Variants in NINL observed in about 807,000 individuals in gnomAD.
NINL encodes the protein ninein like, also known as ninein-like protein.
NINL carries 153 observed loss-of-function variants against 160.3 expected under a neutral mutation model. The observed-to-expected ratio is 0.95, with a 90% CI of 0.84 to 1.09. The LOEUF (loss-of-function observed/expected upper bound fraction) is 1.09. Among genes scored for constraint, NINL ranks in the 50% least tolerant of loss-of-function variants. The probability of loss-of-function intolerance (pLI) is 0.00; values close to 1 mark genes in which losing one functional copy is unlikely to be tolerated. For missense variants in NINL, 1,829 were observed against 1,764.0 expected (o/e 1.04, Z -0.66); for synonymous variants, 800 against 734.8 (o/e 1.09, Z -1.43).
intron 1 of NINL, among the ~76,000 whole-genome samples, chr20:25,557,491 A>G (rs1281771762): frequency 6.6e-6 from 1 of 152,132 alleles, no homozygotes; most frequent in Non-Finnish European, 1.5e-5. Flanking sequence ...AGATCACACC[A>G]CTGCACTCCA....
chr20:25,480,283 C>T lies in NINL; in HGVS notation c.1811-16G>A. On this transcript the variant is annotated splice_polypyrimidine_tract_variant and intron_variant, in intron 14 of 23. Coordinates refer to ENST00000278886, the MANE Select transcript of NINL (RefSeq NM_025176.6). ...AATGAAATGCCTGCAAACAAGAGGC[C>T]ACTTCCGTTTGTCACACTGAGGATG... 6.2e-7 allele frequency: 1 copy of T among 1,606,366 alleles called. No homozygotes were observed. Among genetic ancestry groups the T allele is most frequent in the Non-Finnish European group, 8.5e-7 (1 of 1,173,174 alleles).
intron 1 of NINL, among the ~76,000 whole-genome samples, chr20:25,567,680 G>A (rs1012574009): frequency 1.3e-5 from 2 of 151,946 alleles, no homozygotes; most frequent in African/African-American, 4.8e-5. Context: ...TATATTTTGG[G>A]CCATAAAACA....
intron 1 of NINL, among the ~76,000 whole-genome samples, chr20:25,535,176 A>G (rs1884507237): frequency 1.3e-5 from 2 of 152,304 alleles, no homozygotes; most frequent in Admixed American, 6.5e-5. Flanking sequence ...TAGAGAGACA[A>G]ACGCCACAGA....
At chr20:25,531,083 A>G (rs1311209137) in intron 1 of NINL, among the ~76,000 whole-genome samples, 4 of 152,194 alleles carry the variant, frequency 2.6e-5, no homozygotes, top group African/African-American at 7.2e-5. Flanking sequence ...ACCCTCAGGG[A>G]CGCATTCTCT....
chr20:25,500,130 G>A (rs1030503339), intron 8 of NINL, among the ~76,000 whole-genome samples: 1 of 152,134 alleles, frequency 6.6e-6, no homozygotes, highest in Non-Finnish European at 1.5e-5. Context: ...TGAGTTCACT[G>A]CACCTCGTGA....
At chr20:25,546,767 C>G (rs2064738163) in intron 1 of NINL, among the ~76,000 whole-genome samples, 1 of 151,584 alleles carries the variant, frequency 6.6e-6, no homozygotes, top group African/African-American at 2.4e-5. Flanking sequence ...GATACAAACC[C>G]CACCGAGAGA....
chr20:25,544,574 C>T (rs1180853678), intron 1 of NINL, among the ~76,000 whole-genome samples: 1 of 152,138 alleles, frequency 6.6e-6, no homozygotes, highest in Non-Finnish European at 1.5e-5. Context: ...TGTTCAGTCC[C>T]AGGGGCCAAG....
chr20:25,504,036 C>T lies in NINL; in HGVS notation c.777G>A (p.Gln259=). The part of the protein sequence containing the change: ...GDGKVSLEEF[Q]LGLFSHEPAL... ...CGGGCTCATGACTGAAGAGGCCAAG[C>T]TGGAATTCCTCAAGACTCACTTTGC... Residue 259 remains glutamine, a synonymous_variant, in exon 7 of 24, where the codon CAG becomes CAA. Coordinates refer to ENST00000278886, the MANE Select transcript of NINL (RefSeq NM_025176.6). 9 of 1,611,960 alleles carry T rather than the reference C, an allele frequency of 5.6e-6. No homozygotes were observed. The highest frequency in any genetic ancestry group is 7.6e-6 in the Non-Finnish European group (9 of 1,179,230).
intron 1 of NINL, among the ~76,000 whole-genome samples, chr20:25,567,724 C>T (rs910999888): frequency 2.6e-5 from 4 of 152,092 alleles, no homozygotes; most frequent in African/African-American, 7.2e-5. Flanking sequence ...AGAAATAATA[C>T]AAAATATGCT....
rs766636534 is a variant in NINL at position 25,476,844 on chromosome 20, C to A, written c.2447G>T (p.Arg816Leu). ...EEELELARGK[R>L]VDGPSLEAEM... is the part of the protein sequence containing the mutation. ...TGCTTCCAGGGAGGGCCCGTCCACT[C>A]GCTTCCCGCGGGCAAGCTCCAACTC... The change falls in exon 17 of 24, where the codon CGA becomes CTA. Residue 816 changes from arginine (R) to leucine (L), a missense_variant. By Grantham distance (102) the Arg-to-Leu change is moderately radical. Coordinates refer to ENST00000278886, the MANE Select transcript of NINL (RefSeq NM_025176.6). 2 of 1,613,248 alleles carry A rather than the reference C, an allele frequency of 1.2e-6. No individual in the cohort carries two copies. Among genetic ancestry groups the A allele is most frequent in the South Asian group, 2.2e-5 (2 of 91,082 alleles).
At chr20:25,465,416 G>A (rs2062887660) in intron 19 of NINL, among the ~76,000 whole-genome samples, 1 of 152,192 alleles carries the variant, frequency 6.6e-6, no homozygotes, top group African/African-American at 2.4e-5. Context: ...CGGCTCCAGG[G>A]ACTCAGTGGG....
At chr20:25,505,116 A>G (rs750611070) in intron 5 of NINL, 38 bp from the exon 6 acceptor site, 10 of 1,504,768 alleles carry the variant, frequency 6.6e-6, no homozygotes, top group Non-Finnish European at 8.9e-6. Context: ...ACCCTGATAC[A>G]TACACAATGG....
At chr20:25,542,314 G>C (rs2064675573) in intron 1 of NINL, among the ~76,000 whole-genome samples, 1 of 152,150 alleles carries the variant, frequency 6.6e-6, no homozygotes, top group Non-Finnish European at 1.5e-5. Flanking sequence ...TGACTGTGAA[G>C]AACAGAAACT....
At chr20:25,512,771 T>C in intron 4 of NINL, 63 bp downstream of exon 4, 2 of 1,520,386 alleles carry the variant, frequency 1.3e-6, no homozygotes, top group Non-Finnish European at 8.8e-7. Flanking sequence ...CAAAAAGGGA[T>C]GAAGGGAAGC....
chr20:25,479,098 TCTGACC>T lies in NINL; in HGVS notation c.2020_2025del (p.Gly674_Gln675del). 1 of 1,613,704 alleles carries T rather than the reference TCTGACC, an allele frequency of 6.2e-7. No individual in the cohort carries two copies. The highest frequency in any genetic ancestry group is 8.5e-7 in the Non-Finnish European group (1 of 1,180,028). On this transcript the variant is annotated inframe_deletion, in exon 16 of 24. Transcript: ENST00000278886. Reference sequence around the variant, plus strand: ...TCGTGGAGCTCCTCCAGGTCGGCCTTCTGACCCTCCAGCACGCTGACCTCGCGCCTG... The same window carrying T: ...TCGTGGAGCTCCTCCAGGTCGGCCTTCTCCAGCACGCTGACCTCGCGCCTG...
intron 7 of NINL, among the ~76,000 whole-genome samples, chr20:25,501,728 G>T (rs2063871506): frequency 6.6e-6 from 1 of 152,106 alleles, no homozygotes; most frequent in South Asian, 2.1e-4. Context: ...CCACCTCCTG[G>T]ACTCAAGTGA....
chr20:25,481,888 T>A (rs990919004), intron 14 of NINL, 80 bp downstream of exon 14: 6 of 1,532,932 alleles, frequency 3.9e-6, no homozygotes, highest in African/African-American at 1.4e-5. Context: ...CTTCATCATC[T>A]CCACTCTCTT....
At chr20:25,539,339 C>T (rs911220462) in intron 1 of NINL, among the ~76,000 whole-genome samples, 1 of 152,236 alleles carries the variant, frequency 6.6e-6, no homozygotes, top group African/African-American at 2.4e-5. Context: ...CCACGGAGAA[C>T]CAGCAACCTG....
chr20:25,496,565 C>T (rs2063756974), intron 10 of NINL, 98 bp downstream of exon 10: 9 of 1,461,544 alleles, frequency 6.2e-6, no homozygotes, highest in Non-Finnish European at 8.3e-6. Context: ...TGAGCCACAC[C>T]CGCAGCTCTG....
Sources: allele counts gnomAD v4.1 joint callset (sites outside exome capture counted in the v4.1 genomes callset), GRCh38; gene constraint gnomAD v4.1.1; transcripts MANE v1.5; gene names NCBI Gene and HGNC (gene_info 2026-07-23, HGNC 2026-07-21).